RPS6KA2: variants seen among roughly 807,000 people sequenced by gnomAD.
RPS6KA2 encodes the protein ribosomal protein S6 kinase A2.
RPS6KA2 carries 42 observed loss-of-function variants against 91.8 expected under a neutral mutation model. That is an observed-to-expected ratio of 0.46 (90% CI 0.36 to 0.59). RPS6KA2 has a LOEUF of 0.59. Among genes scored for constraint, RPS6KA2 ranks in the 20% least tolerant of loss-of-function variants. RPS6KA2 has a pLI of 0.00. For missense variants in RPS6KA2, 798 were observed against 978.5 expected (o/e 0.82, Z 2.46); for synonymous variants, 414 against 393.6 (o/e 1.05, Z -0.61).
At position 166,434,008 on chromosome 6, in the gene RPS6KA2, C is replaced by T. The variant is rs545747729; in HGVS notation, c.1333-1518G>A. Among the ~76,000 whole-genome samples, 3 of 152,340 alleles carry T rather than the reference C, an allele frequency of 2.0e-5. No individual in the cohort carries two copies. The highest frequency in any genetic ancestry group is 7.2e-5 in the African/African-American group (3 of 41,588). ...CTCCTGGCTTCAAGTGATCCTCCTGCCTCAGCCTCCCAAAGTGCTGAGATT... is the reference window on the plus strand; with the variant it reads ...CTCCTGGCTTCAAGTGATCCTCCTGTCTCAGCCTCCCAAAGTGCTGAGATT... On this transcript the variant is annotated intron_variant, in intron 14 of 20. Coordinates refer to ENST00000265678, the MANE Select transcript of RPS6KA2 (RefSeq NM_021135.6). This position sits in a 1 kb window ranked among gnomAD's most constrained non-coding sequence, Gnocchi z 4.4.
intron 2 of RPS6KA2, among the ~76,000 whole-genome samples, chr6:166,826,258 TG>T (rs1780046105): frequency 1.3e-5 from 2 of 152,244 alleles, no homozygotes; most frequent in South Asian, 4.1e-4. Context: ...GTTTTTCATT[TG>T]TTCTGAGAAA....
chr6:166,752,262 C>T (rs921091396), intron 2 of RPS6KA2, among the ~76,000 whole-genome samples: 1 of 152,228 alleles, frequency 6.6e-6, no homozygotes, highest in Non-Finnish European at 1.5e-5. Context: ...AGACATCACA[C>T]AGAGTGAACA....
intron 2 of RPS6KA2, among the ~76,000 whole-genome samples, chr6:166,710,562 G>A (rs1378373161): frequency 6.6e-6 from 1 of 151,978 alleles, no homozygotes; most frequent in East Asian, 1.9e-4. Flanking sequence ...GTGTGTCTGT[G>A]TGTGTGTCTA....
intron 2 of RPS6KA2, among the ~76,000 whole-genome samples, chr6:166,760,755 G>A (rs1778145726): frequency 2.0e-5 from 3 of 152,230 alleles, no homozygotes; most frequent in Admixed American, 2.0e-4. Flanking sequence ...ATCGGATGGG[G>A]GAAATGGAGG....
chr6:166,490,495 C>T lies in RPS6KA2; in HGVS notation c.818+176G>A, dbSNP rs2072831. 0.53 allele frequency among the ~76,000 whole-genome samples: 81,045 copies of T among 152,024 alleles called. 23,423 individuals carry two copies. Among genetic ancestry groups the T allele is most frequent in the African/African-American group, 0.77 (31,892 of 41,496 alleles). The stretch of plus-strand genomic sequence containing the variant: ...AGCACCCTATTACCACTGCTACTGG[C>T]GGACGAGCGCTACCATTTTGTGTAA... On this transcript the variant is annotated intron_variant, in intron 9 of 20. Coordinates refer to ENST00000265678, the MANE Select transcript of RPS6KA2 (RefSeq NM_021135.6). This position sits in a 1 kb window ranked among gnomAD's most constrained non-coding sequence, Gnocchi z 4.2.
intron 12 of RPS6KA2, among the ~76,000 whole-genome samples, chr6:166,458,066 G>T (rs571820625): frequency 6.6e-6 from 1 of 152,306 alleles, no homozygotes; most frequent in East Asian, 1.9e-4. Context: ...GTTGTGGACT[G>T]AATTATGTCC....
At chr6:166,720,300 ACAT>A (rs1382594931) in intron 2 of RPS6KA2, among the ~76,000 whole-genome samples, 1 of 152,232 alleles carries the variant, frequency 6.6e-6, no homozygotes, top group African/African-American at 2.4e-5. Flanking sequence ...TAAGTTGGGA[ACAT>A]CATATTAATT....
chr6:166,837,146 G>T (rs1208456666), intron 2 of RPS6KA2, among the ~76,000 whole-genome samples: 1 of 152,208 alleles, frequency 6.6e-6, no homozygotes, highest in African/African-American at 2.4e-5. Flanking sequence ...GGTGAGGCCA[G>T]GGGGCTCCGA....
At chr6:166,798,411 T>C (rs58563415) in intron 2 of RPS6KA2, among the ~76,000 whole-genome samples, 15 of 152,324 alleles carry the variant, frequency 9.8e-5, no homozygotes, top group Admixed American at 2.6e-4. Context: ...AACTCTGCTA[T>C]TGATATTAAT....
intron 2 of RPS6KA2, among the ~76,000 whole-genome samples, chr6:166,633,573 G>A (rs978886916): frequency 2.0e-5 from 3 of 152,146 alleles, no homozygotes; most frequent in African/African-American, 7.2e-5. Flanking sequence ...ACTGAGCAAG[G>A]CATTCGTTAT....
At chr6:166,731,910 A>T (rs1168759150) in intron 2 of RPS6KA2, among the ~76,000 whole-genome samples, 8 of 152,234 alleles carry the variant, frequency 5.3e-5, no homozygotes, top group African/African-American at 1.9e-4. Flanking sequence ...GCTCCTGAAT[A>T]AAACTAACTT....
chr6:166,519,752 C>G (rs1295754753), intron 3 of RPS6KA2, among the ~76,000 whole-genome samples: 1 of 152,196 alleles, frequency 6.6e-6, no homozygotes, highest in Non-Finnish European at 1.5e-5. Flanking sequence ...TCTGGAACCC[C>G]TCTTCAAGGT....
chr6:166,597,814 C>G (rs1426969562), intron 1 of RPS6KA2, among the ~76,000 whole-genome samples: 1 of 152,058 alleles, frequency 6.6e-6, no homozygotes, highest in Non-Finnish European at 1.5e-5. Flanking sequence ...AACAGATTTC[C>G]GGAGTCCACG....
chr6:166,623,724 C>A (rs545832446), intron 1 of RPS6KA2, among the ~76,000 whole-genome samples: 1 of 152,168 alleles, frequency 6.6e-6, no homozygotes, highest in Non-Finnish European at 1.5e-5. Context: ...GAGGGTCTTG[C>A]GGTCACTGAG....
rs113303443 is a variant in RPS6KA2 at position 166,656,504 on chromosome 6, G to A, written c.124-117720C>T. Among the ~76,000 whole-genome samples, 1,298 of 152,334 alleles carry A rather than the reference G, an allele frequency of 8.5e-3. 25 individuals carry two copies. The highest frequency in any genetic ancestry group is 0.064 in the South Asian group (308 of 4,826). ...ATCTCCCCACAGGCCTGTGCCTCCTGAATGAGGAACAGCCATTCCCCTCCA... is the reference window on the plus strand; with the variant it reads ...ATCTCCCCACAGGCCTGTGCCTCCTAAATGAGGAACAGCCATTCCCCTCCA... On this transcript the variant is annotated intron_variant, in intron 2 of 21. Coordinates refer to the RPS6KA2 transcript ENST00000503859.
chr6:166,482,430 C>T (rs1781260210), intron 10 of RPS6KA2, among the ~76,000 whole-genome samples: 2 of 152,182 alleles, frequency 1.3e-5, no homozygotes, highest in African/African-American at 4.8e-5. Context: ...ATGCAACTGC[C>T]CTTGCTGGGG....
At chr6:166,568,093 G>A (rs949463888) in intron 1 of RPS6KA2, among the ~76,000 whole-genome samples, 1 of 152,174 alleles carries the variant, frequency 6.6e-6, no homozygotes, top group Non-Finnish European at 1.5e-5. Context: ...TCGTAACCAA[G>A]AGAAAAGGGG....
chr6:166,811,137 C>T (rs1013414150), intron 2 of RPS6KA2, among the ~76,000 whole-genome samples: 3 of 152,210 alleles, frequency 2.0e-5, no homozygotes, highest in Admixed American at 6.5e-5. Context: ...ACATGCCATG[C>T]GGGTGCTCCA....
intron 20 of RPS6KA2, among the ~76,000 whole-genome samples, chr6:166,413,188 C>T (rs1778373684): frequency 6.6e-6 from 1 of 151,882 alleles, no homozygotes; most frequent in African/African-American, 2.4e-5. Flanking sequence ...GCTGAGGTCA[C>T]GTGATCCCCT....
Sources: gnomAD v4.1 joint callset for allele counts (sites outside exome capture counted in the v4.1 genomes callset) on GRCh38, gnomAD v4.1.1 for gene constraint, Gnocchi (gnomAD v3.1) non-coding constraint, MANE v1.5 for transcripts, NCBI Gene and HGNC (gene_info 2026-07-23, HGNC 2026-07-21) for gene names.